Variants in TNKS observed in about 807,000 individuals in gnomAD.
The protein encoded by TNKS is poly [ADP-ribose] polymerase tankyrase-1.
TNKS carries 72 observed loss-of-function variants against 135.8 expected under a neutral mutation model. The ratio of observed to expected loss-of-function variants is 0.53; its 90% CI spans 0.44 to 0.64. The LOEUF is 0.64. TNKS is among the 30% of genes least tolerant of loss of function. The pLI is 0.00. For missense variants in TNKS, 1,769 were observed against 1,674.0 expected (o/e 1.06, Z -0.99); for synonymous variants, 849 against 649.3 (o/e 1.31, Z -4.68).
chr8:9,750,716 C>G (rs961937650), intron 18 of TNKS, among the ~76,000 whole-genome samples: 3 of 152,160 alleles, frequency 2.0e-5, no homozygotes, highest in Non-Finnish European at 4.4e-5. Context: ...GCCCACTAAG[C>G]CACCCCCAAA....
rs148555989 is a variant in TNKS at position 9,772,573 on chromosome 8, C to T, written c.3897+2311C>T. On this transcript the variant is annotated intron_variant, in intron 26 of 26. Transcript: ENST00000310430. ...ACATGAAAACGAAGTTAACCTTCTG[C>T]CCCCAACTGCATCCAGTATTGGAAG... 30 of 362,548 alleles carry T rather than the reference C, an allele frequency of 8.3e-5. No homozygotes were observed. In the East Asian group the frequency reaches 2.2e-3, roughly 27 times the overall value. 22.5% of individuals were successfully genotyped at this position (362,548 alleles called of 1,614,324 possible). A position where few individuals can be genotyped will look rare whatever the true frequency, so the allele number is the denominator to read the frequency against.
At chr8:9,635,399 C>T (rs1179744603) in intron 3 of TNKS, among the ~76,000 whole-genome samples, 2 of 152,100 alleles carry the variant, frequency 1.3e-5, no homozygotes, top group Non-Finnish European at 2.9e-5. Context: ...CTGTAGAATG[C>T]CTACTAATCA....
chr8:9,620,372 C>T (rs1799820209), intron 3 of TNKS, among the ~76,000 whole-genome samples: 1 of 152,186 alleles, frequency 6.6e-6, no homozygotes, highest in South Asian at 2.1e-4. Flanking sequence ...GCCACACCTT[C>T]ATCCTCTGTT....
At chr8:9,676,686 C>CTGTGTGTGTGTG (rs147459978) in intron 3 of TNKS, among the ~76,000 whole-genome samples, 61 of 147,880 alleles carry the variant, frequency 4.1e-4, no homozygotes, top group South Asian at 1.5e-3. Context: ...CTCTCTCTCT[C>CTGTGTGTGTGTG]TGTGTGTGTG....
intron 2 of TNKS, among the ~76,000 whole-genome samples, chr8:9,594,752 T>C (rs979696286): frequency 2.0e-5 from 3 of 152,218 alleles, no homozygotes; most frequent in Admixed American, 2.0e-4. Context: ...TTTGTACCAT[T>C]TTATAAACAG....
chr8:9,759,066 C>T (rs1319348936), intron 20 of TNKS, among the ~76,000 whole-genome samples: 2 of 152,184 alleles, frequency 1.3e-5, no homozygotes, highest in Admixed American at 1.3e-4. Flanking sequence ...GTTTCTTGCT[C>T]TATCAAAGCC....
At chr8:9,692,457 T>C (rs1280092640) in intron 5 of TNKS, among the ~76,000 whole-genome samples, 3 of 152,204 alleles carry the variant, frequency 2.0e-5, no homozygotes, top group Non-Finnish European at 4.4e-5. Flanking sequence ...ATTAAAGACA[T>C]TAATATGTTA....
chr8:9,576,528 T>C (rs1429923200), intron 1 of TNKS, among the ~76,000 whole-genome samples: 1 of 146,436 alleles, frequency 6.8e-6, no homozygotes, highest in Non-Finnish European at 1.5e-5. Context: ...TGGAGTGCAG[T>C]GGGGCGATCT....
At chr8:9,706,287 C>CT (rs11343041) in intron 7 of TNKS, 34 bp downstream of exon 7, 9,421 of 1,018,770 alleles carry the variant, frequency 9.2e-3, no homozygotes, top group Non-Finnish European at 0.01. Context: ...GCATCATTTA[C>CT]TTTTTTTTTT....
rs560836668 is a variant in TNKS, at chr8:9,655,184, G to A, written c.995-24767G>A. On this transcript the variant is annotated intron_variant, in intron 3 of 26. Coordinates refer to ENST00000310430, the MANE Select transcript of TNKS (RefSeq NM_003747.3). ...TGAGATCAAACTGCAAGGCAGCAGCGAGGCTGGGGGAGGGGCGCCCACCAT... is the reference window on the plus strand; with the variant it reads ...TGAGATCAAACTGCAAGGCAGCAGCAAGGCTGGGGGAGGGGCGCCCACCAT... Among the ~76,000 whole-genome samples the A allele has an allele frequency of 5.3e-5, 8 of 152,266 alleles. No individual in the cohort carries two copies. The East Asian group carries it at 5.8e-4, about 11-fold the overall frequency.
intron 3 of TNKS, among the ~76,000 whole-genome samples, chr8:9,672,681 T>TAC (rs60210743): frequency 0.024 from 2,068 of 84,626 alleles, 55 homozygotes; most frequent in Admixed American, 0.052. Flanking sequence ...AAAAAACACA[T>TAC]ACACACACAC....
At chr8:9,761,286 C>G (rs1282676381) in intron 20 of TNKS, among the ~76,000 whole-genome samples, 1 of 152,130 alleles carries the variant, frequency 6.6e-6, no homozygotes, top group Non-Finnish European at 1.5e-5. Context: ...TTGTTTCTCC[C>G]TTTTTAATTC....
intron 2 of TNKS, among the ~76,000 whole-genome samples, chr8:9,593,378 T>C (rs1418729514): frequency 2.0e-5 from 3 of 152,210 alleles, no homozygotes; most frequent in African/African-American, 4.8e-5. Flanking sequence ...GTTTTCTTAA[T>C]TGAGAAATGA....
Position 9,623,487 on chromosome 8 carries a change from A to G in TNKS, c.994+7810A>G, listed in dbSNP as rs185798009. Among the ~76,000 whole-genome samples, 716 of 149,634 alleles carry G rather than the reference A, an allele frequency of 4.8e-3. 10 individuals are homozygous for G. The highest frequency in any genetic ancestry group is 0.017 in the African/African-American group (695 of 40,510). On this transcript the variant is annotated intron_variant, in intron 3 of 26. Transcript: ENST00000310430. ...TGCTTTTGAAAGTTGTGTTCGTACT[A>G]TATAGTGTGCAGTAGCATTATGTCT...
intron 2 of TNKS, among the ~76,000 whole-genome samples, chr8:9,614,894 C>G (rs916290668): frequency 6.6e-6 from 1 of 152,078 alleles, no homozygotes; most frequent in Non-Finnish European, 1.5e-5. Context: ...TTAAGAATTC[C>G]CAGTAGCTAC....
intron 22 of TNKS, among the ~76,000 whole-genome samples, chr8:9,764,122 T>A (rs1411035496): frequency 6.6e-6 from 1 of 152,128 alleles, no homozygotes; most frequent in Non-Finnish European, 1.5e-5. Context: ...GGAAGAGAAT[T>A]CATTTTTTTT....
At chr8:9,614,675 A>C (rs542177387) in intron 2 of TNKS, among the ~76,000 whole-genome samples, 1 of 152,288 alleles carries the variant, frequency 6.6e-6, no homozygotes, top group East Asian at 1.9e-4. Flanking sequence ...CTTACAATTG[A>C]ATTTTACTTA....
chr8:9,624,841 T>C (rs1257368855), intron 3 of TNKS, among the ~76,000 whole-genome samples: 2 of 152,190 alleles, frequency 1.3e-5, no homozygotes, highest in African/African-American at 2.4e-5. Flanking sequence ...TATGGAGGCA[T>C]ATCCTCCCGT....
intron 2 of TNKS, among the ~76,000 whole-genome samples, chr8:9,611,716 A>C (rs1281460264): frequency 6.6e-6 from 1 of 152,208 alleles, no homozygotes; most frequent in East Asian, 1.9e-4. Context: ...AAATAGTCCC[A>C]CATAAATCCC....
Sources: gnomAD v4.1 joint callset for allele counts (sites outside exome capture counted in the v4.1 genomes callset) on GRCh38, gnomAD v4.1.1 for gene constraint, MANE v1.5 for transcripts, NCBI Gene and HGNC (gene_info 2026-07-23, HGNC 2026-07-21) for gene names.